HACD2: variants seen among roughly 807,000 people sequenced by gnomAD.
HACD2 encodes 3-hydroxyacyl-CoA dehydratase 2.
A neutral mutation model predicts 31.0 loss-of-function variants in HACD2; 15 were observed. The ratio of observed to expected loss-of-function variants is 0.48; its 90% CI spans 0.32 to 0.75. The LOEUF (loss-of-function observed/expected upper bound fraction) is 0.75, where lower values mean the gene tolerates loss of function less well. HACD2 is among the 30% of genes least tolerant of loss of function. HACD2 has a pLI of 0.03. For missense variants in HACD2, 283 were observed against 313.0 expected (o/e 0.90, Z 0.72); for synonymous variants, 115 against 122.2 (o/e 0.94, Z 0.39).
intron 2 of HACD2, among the ~76,000 whole-genome samples, chr3:123,578,540 G>A (rs759683646): frequency 3.9e-5 from 6 of 152,040 alleles, no homozygotes; most frequent in African/African-American, 1.2e-4. Flanking sequence ...TAAAGTGCTG[G>A]GATTACAGGT....
At chr3:123,516,846 A>G (rs1373063004) in intron 4 of HACD2, among the ~76,000 whole-genome samples, 4 of 152,214 alleles carry the variant, frequency 2.6e-5, no homozygotes, top group Non-Finnish European at 5.9e-5. Context: ...TCTGGAAAAC[A>G]TGAAGAAAGG....
intron 2 of HACD2, among the ~76,000 whole-genome samples, chr3:123,581,782 A>AT (rs1450105768): frequency 6.6e-6 from 1 of 152,158 alleles, no homozygotes; most frequent in Non-Finnish European, 1.5e-5. Flanking sequence ...AAATCAATAC[A>AT]TTTTTGTTAA....
At chr3:123,567,849 A>C in intron 2 of HACD2, 69 bp from the exon 3 acceptor site, 17 of 1,033,476 alleles carry the variant, frequency 1.6e-5, no homozygotes, top group Non-Finnish European at 2.4e-5. Context: ...TATTTCATAT[A>C]AACTAATGTT....
chr3:123,505,849 A>T (rs1252406906), intron 4 of HACD2, among the ~76,000 whole-genome samples: 1 of 152,256 alleles, frequency 6.6e-6, no homozygotes, highest in Non-Finnish European at 1.5e-5. Flanking sequence ...GCAGGGAGTA[A>T]AATGCTGGGT....
chr3:123,541,933 G>T (rs185709519), intron 3 of HACD2, among the ~76,000 whole-genome samples: 9 of 151,942 alleles, frequency 5.9e-5, no homozygotes, highest in African/African-American at 1.9e-4. Flanking sequence ...GGATCACGAG[G>T]TCAGGAGATC....
intron 4 of HACD2, among the ~76,000 whole-genome samples, chr3:123,504,425 T>C (rs530102198): frequency 3.9e-5 from 6 of 152,290 alleles, no homozygotes; most frequent in South Asian, 2.1e-4. Context: ...CAATAAATAA[T>C]TGCGGAGCAA....
At chr3:123,577,880 A>G (rs2056924461) in intron 2 of HACD2, among the ~76,000 whole-genome samples, 1 of 152,224 alleles carries the variant, frequency 6.6e-6, no homozygotes, top group African/African-American at 2.4e-5. Context: ...TTAAAAACTG[A>G]CATATAATTC....
At chr3:123,542,342 T>C (rs1213620708) in intron 3 of HACD2, among the ~76,000 whole-genome samples, 4 of 152,128 alleles carry the variant, frequency 2.6e-5, no homozygotes, top group Non-Finnish European at 5.9e-5. Context: ...TATTAATACT[T>C]ATGATTTTTC....
At chr3:123,561,855 A>C (rs888130230) in intron 3 of HACD2, among the ~76,000 whole-genome samples, 1 of 151,592 alleles carries the variant, frequency 6.6e-6, no homozygotes. Context: ...TCTGTCGCCC[A>C]GGCTGGAGTG....
At chr3:123,559,032 C>T (rs575363615) in intron 3 of HACD2, among the ~76,000 whole-genome samples, 2 of 152,314 alleles carry the variant, frequency 1.3e-5, no homozygotes, top group African/African-American at 4.8e-5. Flanking sequence ...TAATCTCCAT[C>T]AGGGCAATGT....
At chr3:123,582,146 A>G in intron 2 of HACD2, 66 bp downstream of exon 2, 1 of 1,089,938 alleles carries the variant, frequency 9.2e-7, no homozygotes, top group Non-Finnish European at 1.3e-6. Context: ...ACTTCAATAT[A>G]ATTTAGTTGC....
At chr3:123,511,060 C>T (rs889108195) in intron 4 of HACD2, among the ~76,000 whole-genome samples, 5 of 151,404 alleles carry the variant, frequency 3.3e-5, no homozygotes, top group Admixed American at 6.6e-5. Flanking sequence ...CATCTTTTCA[C>T]GTGCTTATTG....
intron 3 of HACD2, among the ~76,000 whole-genome samples, chr3:123,544,844 C>T: frequency 6.6e-6 from 1 of 151,734 alleles, no homozygotes; most frequent in African/African-American, 2.4e-5. Flanking sequence ...GTAACACAGG[C>T]AGGAGGAATG....
chr3:123,496,032 G>A (rs1345544229), intron 6 of HACD2, among the ~76,000 whole-genome samples: 1 of 152,066 alleles, frequency 6.6e-6, no homozygotes, highest in Admixed American at 6.5e-5. Context: ...CTATTTTATT[G>A]TTATTATTTT....
chr3:123,535,382 C>G (rs2056412710), intron 3 of HACD2, among the ~76,000 whole-genome samples: 1 of 152,126 alleles, frequency 6.6e-6, no homozygotes, highest in Admixed American at 6.5e-5. Flanking sequence ...CAGAATCTCC[C>G]TAACCAAATA....
intron 2 of HACD2, among the ~76,000 whole-genome samples, chr3:123,581,837 TTCTA>T (rs2056969484): frequency 6.6e-6 from 1 of 152,236 alleles, no homozygotes; most frequent in South Asian, 2.1e-4. Flanking sequence ...CTATTATGTC[TTCTA>T]TCTATCACTT....
chr3:123,511,635 G>A (rs2056064680), intron 4 of HACD2, among the ~76,000 whole-genome samples: 1 of 152,050 alleles, frequency 6.6e-6, no homozygotes, highest in South Asian at 2.1e-4. Context: ...GCACCCAGAG[G>A]TATCTTTAAT....
intron 2 of HACD2, among the ~76,000 whole-genome samples, chr3:123,572,525 A>G (rs570826475): frequency 3.0e-4 from 45 of 152,236 alleles, no homozygotes; most frequent in African/African-American, 1.1e-3. Flanking sequence ...AGAAAAGAAA[A>G]TATGAACCAT....
chr3:123,541,180 A>G (rs1008177855), intron 3 of HACD2, among the ~76,000 whole-genome samples: 2 of 152,100 alleles, frequency 1.3e-5, no homozygotes, highest in Non-Finnish European at 2.9e-5. Flanking sequence ...CTGAGGCAGG[A>G]GAATTGCTTG....
Sources: gnomAD v4.1 joint callset for allele counts (sites outside exome capture counted in the v4.1 genomes callset) on GRCh38, gnomAD v4.1.1 for gene constraint, MANE v1.5 for transcripts, NCBI Gene and HGNC (gene_info 2026-07-23, HGNC 2026-07-21) for gene names.